Variants in RCSD1 observed in about 807,000 individuals in gnomAD.
RCSD1 encodes the protein capZ-interacting protein.
RCSD1 carries 26 observed loss-of-function variants against 42.5 expected under a neutral mutation model. The observed-to-expected ratio is 0.61, with a 90% confidence interval of 0.45 to 0.85. The LOEUF (loss-of-function observed/expected upper bound fraction) is 0.85. Among genes scored for constraint, RCSD1 ranks in the 40% least tolerant of loss-of-function variants. RCSD1 has a pLI of 0.00. For missense variants in RCSD1, 571 were observed against 528.3 expected, an observed-to-expected ratio of 1.08 and a Z score of -0.79; for synonymous variants, 220 against 212.2, an observed-to-expected ratio of 1.04 and a Z score of -0.32.
intron 2 of RCSD1, among the ~76,000 whole-genome samples, chr1:167,684,298 C>T (rs1176989872): frequency 6.6e-6 from 1 of 152,186 alleles, no homozygotes; most frequent in African/African-American, 2.4e-5. Flanking sequence ...AGACTTAGAT[C>T]TCACACAGCT....
intron 1 of RCSD1, among the ~76,000 whole-genome samples, chr1:167,677,737 A>G (rs1008738564): frequency 2.0e-5 from 3 of 152,204 alleles, no homozygotes; most frequent in African/African-American, 7.2e-5. Flanking sequence ...GTCTCAGGTG[A>G]GCAGGAGACT....
At chr1:167,650,586 C>T (rs1407118480) in intron 1 of RCSD1, among the ~76,000 whole-genome samples, 4 of 152,188 alleles carry the variant, frequency 2.6e-5, no homozygotes, top group African/African-American at 9.7e-5. Flanking sequence ...CCAGAAGGAC[C>T]GCCGCCCATC....
intron 1 of RCSD1, among the ~76,000 whole-genome samples, chr1:167,666,526 A>C (rs1658661807): frequency 6.6e-6 from 1 of 152,196 alleles, no homozygotes; most frequent in African/African-American, 2.4e-5. Flanking sequence ...GGATGATGCT[A>C]GTTACAGAGG....
At chr1:167,701,261 T>C (rs1409522564) in intron 6 of RCSD1, among the ~76,000 whole-genome samples, 1 of 113,410 alleles carries the variant, frequency 8.8e-6, no homozygotes, top group Non-Finnish European at 1.7e-5. Flanking sequence ...AGTTTCTTTC[T>C]TTCTTTCTTT....
At chr1:167,682,593 A>G (rs1382703944) in intron 1 of RCSD1, among the ~76,000 whole-genome samples, 1 of 151,940 alleles carries the variant, frequency 6.6e-6, no homozygotes, top group East Asian at 1.9e-4. Flanking sequence ...GACTAAAGTT[A>G]TTTACTTTGG....
In RCSD1 at chr1:167,683,906, C is replaced by G. The variant is rs142962082; in HGVS notation, c.13C>G (p.Pro5Ala). Residue 5 changes from proline (P) to alanine (A), a missense_variant, in exon 2 of 7, where the codon CCG (proline) becomes GCG (alanine). Pro to Ala is a conservative substitution (Grantham distance 27). Coordinates refer to ENST00000367854, the MANE Select transcript of RCSD1 (RefSeq NM_052862.4). MEER[P>A]AETNANVDNS... The stretch of plus-strand genomic sequence containing the variant: ...CTTCTTCTCCATTTGCCAGGAAAGA[C>G]CGGCAGAGACCAATGCCAATGTGGA... 6.2e-7 allele frequency: 1 copy of G among 1,614,040 alleles called. No individual in the cohort carries two copies. Among genetic ancestry groups the G allele is most frequent in the Non-Finnish European group, 8.5e-7 (1 of 1,179,954 alleles).
intron 1 of RCSD1, among the ~76,000 whole-genome samples, chr1:167,676,007 G>C (rs1239455987): frequency 6.6e-6 from 1 of 152,188 alleles, no homozygotes; most frequent in Non-Finnish European, 1.5e-5. Context: ...CCAACATCCA[G>C]TAATAGCTAA....
intron 3 of RCSD1, 102 bp from the exon 4 acceptor site, chr1:167,689,947 A>G: frequency 8.8e-7 from 1 of 1,130,340 alleles, no homozygotes; most frequent in East Asian, 2.4e-5. Flanking sequence ...AAGTGGCAAC[A>G]CCAACTTCTC....
chr1:167,695,538 ATTT>A (rs34867466), intron 5 of RCSD1, among the ~76,000 whole-genome samples: 40 of 141,034 alleles, frequency 2.8e-4, no homozygotes, highest in Admixed American at 2.8e-4. Context: ...TTACACACTA[ATTT>A]TTTTTTTTTT....
chr1:167,683,369 G>C (rs903235182), intron 1 of RCSD1, among the ~76,000 whole-genome samples: 2 of 152,218 alleles, frequency 1.3e-5, no homozygotes, highest in African/African-American at 4.8e-5. Flanking sequence ...GTCAGTGCTT[G>C]AATCCAGGCA....
intron 5 of RCSD1, 117 bp downstream of exon 5, chr1:167,694,419 A>G: frequency 1.0e-6 from 1 of 981,106 alleles, no homozygotes; most frequent in Non-Finnish European, 1.5e-6. Flanking sequence ...AGTTACTGTC[A>G]GAGCTGCGTG....
At chr1:167,692,584 C>T (rs1017866479) in intron 4 of RCSD1, among the ~76,000 whole-genome samples, 1 of 151,656 alleles carries the variant, frequency 6.6e-6, no homozygotes, top group Admixed American at 6.6e-5. Context: ...AAGTCTCAAA[C>T]TCCTGGGCTC....
rs922733991 is a variant in RCSD1, at chr1:167,707,466, C to G, written c.*2770C>G. 6.6e-6 allele frequency among the ~76,000 whole-genome samples: 1 copy of G among 152,118 alleles called. No homozygotes were observed. Among genetic ancestry groups the G allele is most frequent in the African/African-American group, 2.4e-5 (1 of 41,430 alleles). ...CAGAACTATACAGATCAATGAATCT[C>G]TCCCCCTTTTTCAGCCTCATAGAAC... On this transcript the variant is annotated 3_prime_UTR_variant, in exon 7 of 7. Transcript: ENST00000367854.
chr1:167,644,488 A>ATACATAC (rs1658081990), intron 1 of RCSD1, among the ~76,000 whole-genome samples: 1 of 76,722 alleles, frequency 1.3e-5, no homozygotes, highest in African/African-American at 5.6e-5. Context: ...TCAAAAAATA[A>ATACATAC]ATACATACAT....
chr1:167,665,820 T>A (rs1263996117), intron 1 of RCSD1, among the ~76,000 whole-genome samples: 1 of 151,992 alleles, frequency 6.6e-6, no homozygotes, highest in East Asian at 1.9e-4. Flanking sequence ...TGAGCACCTT[T>A]TTTTTTTTTG....
chr1:167,675,198 T>C (rs1468332642), intron 1 of RCSD1, among the ~76,000 whole-genome samples: 1 of 101,368 alleles, frequency 9.9e-6, no homozygotes, highest in Non-Finnish European at 1.8e-5. Context: ...AGAATGAGAC[T>C]CCATCTCGGA....
chr1:167,685,384 T>A lies in RCSD1; in HGVS notation c.109-37T>A, dbSNP rs1415534645. On this transcript the variant is annotated intron_variant, in intron 2 of 6. Coordinates refer to ENST00000367854, the MANE Select transcript of RCSD1 (RefSeq NM_052862.4). ...TCCCTGTTGCCTGATCAGTGCTCTC[T>A]TTTTCTCTGTGTGTCTGTCTGTCGC... The A allele has an allele frequency of 2.5e-6, 4 of 1,571,314 alleles. No homozygotes were observed. In the Admixed American group the frequency reaches 6.8e-5, roughly 27 times the overall value.
At chr1:167,671,744 G>GTTTTGCT (rs1658811373) in intron 1 of RCSD1, among the ~76,000 whole-genome samples, 1 of 152,146 alleles carries the variant, frequency 6.6e-6, no homozygotes, top group African/African-American at 2.4e-5. Context: ...TAAATCTGTG[G>GTTTTGCT]TTTTGCTTTT....
At chr1:167,646,117 G>T (rs1329940493) in intron 1 of RCSD1, among the ~76,000 whole-genome samples, 1 of 152,228 alleles carries the variant, frequency 6.6e-6, no homozygotes, top group African/African-American at 2.4e-5. Flanking sequence ...GAGAGAAAGT[G>T]ATCAGAATGA....
Sources: gnomAD v4.1 joint callset for allele counts (sites outside exome capture counted in the v4.1 genomes callset) on GRCh38, gnomAD v4.1.1 for gene constraint, MANE v1.5 for transcripts, NCBI Gene and HGNC (gene_info 2026-07-23, HGNC 2026-07-21) for gene names.